SEMA3A: variants seen among roughly 807,000 people sequenced by gnomAD.
SEMA3A encodes semaphorin-3A.
SEMA3A carries 29 observed loss-of-function variants against 97.9 expected under a neutral mutation model. That is an observed-to-expected ratio of 0.30 (90% CI 0.22 to 0.40). The LOEUF (loss-of-function observed/expected upper bound fraction) is 0.40, where lower values mean the gene tolerates loss of function less well. Among genes scored for constraint, SEMA3A ranks in the 10% least tolerant of loss-of-function variants. SEMA3A has a pLI of 1.00. For missense variants in SEMA3A, 763 were observed against 951.3 expected (o/e 0.80, Z 2.60); for synonymous variants, 321 against 323.7 (o/e 0.99, Z 0.09).
At chr7:83,978,613 A>C (rs1157653138) in intron 14 of SEMA3A, among the ~76,000 whole-genome samples, 1 of 152,168 alleles carries the variant, frequency 6.6e-6, no homozygotes, top group African/African-American at 2.4e-5. Context: ...GCAAATATGG[A>C]ATTTGTTACT....
intron 3 of SEMA3A, among the ~76,000 whole-genome samples, chr7:84,211,428 T>C (rs1187528452): frequency 1.3e-5 from 2 of 150,112 alleles, no homozygotes; most frequent in East Asian, 4.0e-4. Flanking sequence ...CTGGCCAACA[T>C]GGTGAAACCC....
chr7:84,443,418 G>T (rs929664157), intron 1 of SEMA3A, among the ~76,000 whole-genome samples: 4 of 152,066 alleles, frequency 2.6e-5, no homozygotes, highest in Non-Finnish European at 4.4e-5. Context: ...AGAACTGAAG[G>T]TGCTGTGAAT....
intron 3 of SEMA3A, among the ~76,000 whole-genome samples, chr7:84,253,963 T>C (rs1206849441): frequency 6.6e-6 from 1 of 152,138 alleles, no homozygotes; most frequent in Non-Finnish European, 1.5e-5. Context: ...TTGATTAACT[T>C]AGATAAATAA....
Position 83,961,506 on chromosome 7 carries a change from T to C in SEMA3A, c.2181A>G (p.Lys727=), listed in dbSNP as rs1268896497. The change falls in exon 17 of 17, where the codon AAA becomes AAG. Residue 727 remains lysine (K), a synonymous_variant. Transcript: ENST00000265362. ...TMDEFCEQVW[K]RDRKQRRQRP... is the part of the protein sequence containing the mutation. The stretch of plus-strand genomic sequence containing the variant: ...TTTGCCGACGTTGTTTTCGGTCCCT[T>C]TTCCAAACTTGTTCACAGAACTCAT... The C allele has an allele frequency of 6.2e-7, 1 of 1,614,128 alleles. No homozygotes were observed. Among genetic ancestry groups the C allele is most frequent in the Non-Finnish European group, 8.5e-7 (1 of 1,179,974 alleles).
chr7:83,960,405 A>G lies in SEMA3A; in HGVS notation c.*966T>C, dbSNP rs1175551714. 1 of 151,900 alleles carries G rather than the reference A, an allele frequency of 6.6e-6. No homozygotes were observed. The highest frequency in any genetic ancestry group is 2.4e-5 in the African/African-American group (1 of 41,386). The allele number at this position is 151,900 out of a possible 1,614,324, so 9.4% of individuals were successfully genotyped here. On this transcript the variant is annotated 3_prime_UTR_variant, in exon 17 of 17. Transcript: ENST00000265362. ...ATGTTCTGTTTTTTTTTCTAAGAAC[A>G]TTATGCAAGTAAAAATTAATTTAGA...
At chr7:84,448,239 C>T (rs555804251) in intron 1 of SEMA3A, among the ~76,000 whole-genome samples, 173 of 152,226 alleles carry the variant, frequency 1.1e-3, no homozygotes, top group African/African-American at 4.0e-3. Context: ...TTCTGGCTGG[C>T]GAAGTGACAC....
chr7:83,977,103 C>T, intron 15 of SEMA3A, 29 bp downstream of exon 15: 2 of 1,412,536 alleles, frequency 1.4e-6, no homozygotes, highest in Admixed American at 1.9e-5. Flanking sequence ...CTGGTCTTAG[C>T]AGGTTGAAAG....
chr7:84,192,119 G>T (rs796974473), intron 1 of SEMA3A, among the ~76,000 whole-genome samples: 4 of 151,854 alleles, frequency 2.6e-5, no homozygotes, highest in African/African-American at 9.6e-5. Context: ...AGGTTGGCAG[G>T]GATTTAACTC....
chr7:84,181,101 GT>G (rs2116236192), intron 1 of SEMA3A, among the ~76,000 whole-genome samples: 1 of 152,120 alleles, frequency 6.6e-6, no homozygotes, highest in East Asian at 1.9e-4. Flanking sequence ...ATATCTGCCA[GT>G]GATTTCTTTC....
chr7:84,032,845 A>G (rs1472966727), intron 6 of SEMA3A, among the ~76,000 whole-genome samples: 6 of 151,844 alleles, frequency 4.0e-5, no homozygotes, highest in African/African-American at 1.4e-4. Context: ...TTCTTTTTAT[A>G]TTGGGGAAGT....
At chr7:84,330,176 A>G (rs550670462) in intron 2 of SEMA3A, among the ~76,000 whole-genome samples, 2 of 152,182 alleles carry the variant, frequency 1.3e-5, no homozygotes, top group East Asian at 1.9e-4. Context: ...TAAATATATT[A>G]TATCCTGGAT....
rs752533573 is a variant in SEMA3A, at chr7:84,129,118, C to A, written c.333+5G>T. The A allele has an allele frequency of 6.2e-7, 1 of 1,605,172 alleles. No homozygotes were observed. Among genetic ancestry groups the A allele is most frequent in the Non-Finnish European group, 8.5e-7 (1 of 1,171,974 alleles). On this transcript the variant is annotated splice_donor_5th_base_variant and intron_variant, in intron 3 of 16. Transcript: ENST00000265362. ...TGTATAATAATTTAGTAGGTTAATG[C>A]TTACCAGGATGTCTTTTCCAGCCCA...
chr7:84,480,887 C>T (rs1350267822), intron 1 of SEMA3A, among the ~76,000 whole-genome samples: 1 of 151,378 alleles, frequency 6.6e-6, no homozygotes, highest in Non-Finnish European at 1.5e-5. Flanking sequence ...GGTAGCATAC[C>T]AAAAATAAAA....
chr7:84,057,990 C>G (rs1482698242), intron 5 of SEMA3A, among the ~76,000 whole-genome samples: 1 of 152,070 alleles, frequency 6.6e-6, no homozygotes, highest in Admixed American at 6.6e-5. Flanking sequence ...GGGAAGAAGT[C>G]ATATTAAACC....
intron 1 of SEMA3A, among the ~76,000 whole-genome samples, chr7:84,447,109 C>A (rs1461434338): frequency 6.6e-6 from 1 of 152,198 alleles, no homozygotes; most frequent in Admixed American, 6.5e-5. Flanking sequence ...GGCGCCATCA[C>A]GACCTGGCCA....
intron 1 of SEMA3A, among the ~76,000 whole-genome samples, chr7:84,424,004 A>T (rs780734201): frequency 2.0e-5 from 3 of 151,932 alleles, no homozygotes; most frequent in Non-Finnish European, 2.9e-5. Context: ...AGATGTTGGC[A>T]TGAATGTGGT....
At chr7:84,153,100 A>C (rs568338902) in intron 1 of SEMA3A, among the ~76,000 whole-genome samples, 1 of 152,280 alleles carries the variant, frequency 6.6e-6, no homozygotes, top group African/African-American at 2.4e-5. Flanking sequence ...AGTAAATCAG[A>C]ATCTAAAAAA....
At chr7:84,230,305 T>C (rs13237186) in intron 3 of SEMA3A, among the ~76,000 whole-genome samples, 6,916 of 152,086 alleles carry the variant, frequency 0.045, 156 homozygotes, top group Middle Eastern at 0.068. Flanking sequence ...TTTTACCTCA[T>C]TATCATGACT....
chr7:84,467,581 C>T (rs1030391696), intron 1 of SEMA3A, among the ~76,000 whole-genome samples: 3 of 150,194 alleles, frequency 2.0e-5, no homozygotes, highest in Admixed American at 2.0e-4. Context: ...CTTTTGTCCA[C>T]GACCCTAAAC....
Sources: allele counts gnomAD v4.1 joint callset (sites outside exome capture counted in the v4.1 genomes callset), GRCh38; gene constraint gnomAD v4.1.1; transcripts MANE v1.5; gene names NCBI Gene and HGNC (gene_info 2026-07-23, HGNC 2026-07-21).